SMAP2: variants seen among roughly 807,000 people sequenced by gnomAD.
SMAP2 encodes the protein stromal membrane-associated protein 2.
In SMAP2, 25 loss-of-function variants were observed where a neutral mutation model predicts 56.4. The ratio of observed to expected loss-of-function variants is 0.44; its 90% confidence interval spans 0.32 to 0.62. The LOEUF is 0.62. Among genes scored for constraint, SMAP2 ranks in the 20% least tolerant of loss-of-function variants. The pLI, the probability that SMAP2 is intolerant of heterozygous loss-of-function variation, is 0.04. For missense variants in SMAP2, 388 were observed against 545.6 expected (o/e 0.71, Z 2.88); for synonymous variants, 157 against 181.7 (o/e 0.86, Z 1.09).
At chr1:40,354,476 C>G (rs929165176) in intron 1 of SMAP2, among the ~76,000 whole-genome samples, 1 of 150,222 alleles carries the variant, frequency 6.7e-6, no homozygotes, top group African/African-American at 2.5e-5. Flanking sequence ...GTAGCTGGGA[C>G]TACAGGCGCC....
chr1:40,420,977 A>G (rs1377815055), intron 9 of SMAP2, among the ~76,000 whole-genome samples: 1 of 152,096 alleles, frequency 6.6e-6, no homozygotes. Flanking sequence ...TGGTTCTGTT[A>G]AAGTGTTCAT....
intron 1 of SMAP2, among the ~76,000 whole-genome samples, chr1:40,390,426 T>A (rs1644704911): frequency 6.6e-6 from 1 of 152,206 alleles, no homozygotes; most frequent in Non-Finnish European, 1.5e-5. Flanking sequence ...AGGTTTTATG[T>A]AGAGCCTCTG....
chr1:40,352,727 T>A (rs992651547), intron 1 of SMAP2, among the ~76,000 whole-genome samples: 4 of 151,916 alleles, frequency 2.6e-5, no homozygotes, highest in Admixed American at 2.0e-4. Context: ...AATGCCTCGC[T>A]ATGTTGCCCA....
intron 1 of SMAP2, among the ~76,000 whole-genome samples, chr1:40,351,262 T>C (rs1427827674): frequency 6.6e-6 from 1 of 152,150 alleles, no homozygotes; most frequent in Non-Finnish European, 1.5e-5. Context: ...CTCTGTGGCC[T>C]GACAAGGAGG....
intron 2 of SMAP2, chr1:40,365,250 AG>A (rs1644477172): frequency 6.5e-6 from 1 of 152,880 alleles, no homozygotes; most frequent in South Asian, 2.1e-4. Context: ...GGATCATTTT[AG>A]GCTATGAATT....
At chr1:40,357,951 A>G (rs1015459843) in intron 1 of SMAP2, among the ~76,000 whole-genome samples, 1 of 149,604 alleles carries the variant, frequency 6.7e-6, no homozygotes, top group Non-Finnish European at 1.5e-5. Context: ...TGTTTTTCCT[A>G]TTTCTTTGAG....
At chr1:40,381,626 A>G (rs1415211296) in intron 1 of SMAP2, among the ~76,000 whole-genome samples, 3 of 152,102 alleles carry the variant, frequency 2.0e-5, no homozygotes, top group Middle Eastern at 3.2e-3. Flanking sequence ...TTTGACAGGT[A>G]GTCAGGATAC....
At chr1:40,389,623 G>A (rs992066510) in intron 1 of SMAP2, among the ~76,000 whole-genome samples, 10 of 152,210 alleles carry the variant, frequency 6.6e-5, no homozygotes, top group African/African-American at 2.4e-4. Context: ...TGCTGCTTTG[G>A]AAGCTGGAGC....
chr1:40,380,622 C>T (rs1005019118), intron 1 of SMAP2, among the ~76,000 whole-genome samples: 47 of 151,712 alleles, frequency 3.1e-4, no homozygotes, highest in Non-Finnish European at 4.0e-4. Context: ...CTCCACTTCC[C>T]GGGTTCAAGC....
In SMAP2 at chr1:40,408,723, G is replaced by A; in HGVS notation, c.308G>A (p.Arg103Gln). 4 of 1,613,766 alleles carry A rather than the reference G, an allele frequency of 2.5e-6. No homozygotes were observed. Among genetic ancestry groups the A allele is most frequent in the South Asian group, 1.1e-5 (1 of 91,060 alleles). ...GCCTATCTTCCTGAGACCTTTCGGC[G>A]ACCTCAGATAGACCCGTATCTTTTC... is the stretch of plus-strand genomic sequence containing the variant. The part of the protein sequence containing the change: ...YEAYLPETFR[R>Q]PQIDPAVEGF... The change falls in exon 3 of 10, where the codon CGA becomes CAA. Residue 103 changes from arginine (R) to glutamine (Q), a missense_variant. Physicochemically the swap from Arg to Gln is conservative, Grantham distance 43. Coordinates refer to ENST00000372718, the MANE Select transcript of SMAP2 (RefSeq NM_022733.3). The surrounding 1 kb of genome is among the most constrained non-coding windows in gnomAD (Gnocchi z 4.3).
chr1:40,384,330 G>C (rs1644632671), intron 1 of SMAP2, among the ~76,000 whole-genome samples: 1 of 152,186 alleles, frequency 6.6e-6, no homozygotes. Context: ...AGTTTGCACT[G>C]GGTGAGGGAG....
intron 9 of SMAP2, 116 bp downstream of exon 9, chr1:40,417,212 G>T: frequency 1.5e-5 from 9 of 594,102 alleles, no homozygotes; most frequent in Non-Finnish European, 1.1e-5. Context: ...TAATGTAAGA[G>T]ACATTGTTAG....
At chr1:40,409,872 G>A (rs747524077) in intron 4 of SMAP2, 37 bp downstream of exon 4, 3 of 1,302,380 alleles carry the variant, frequency 2.3e-6, no homozygotes, top group Non-Finnish European at 3.3e-6. Context: ...TCCACAATAA[G>A]TAATGTGCTT....
intron 9 of SMAP2, 112 bp downstream of exon 9, chr1:40,417,208 A>T (rs1557469881): frequency 1.4e-6 from 1 of 731,566 alleles, no homozygotes; most frequent in Non-Finnish European, 2.2e-6. Flanking sequence ...GAGATAATGT[A>T]AGAGACATTG....
At chr1:40,409,883 A>AT in intron 4 of SMAP2, 48 bp downstream of exon 4, 1 of 1,232,340 alleles carries the variant, frequency 8.1e-7, no homozygotes, top group Non-Finnish European at 1.2e-6. Flanking sequence ...TAATGTGCTT[A>AT]TTAAATCAGG....
rs1211781718 is a variant in SMAP2, at chr1:40,422,138, C to T, written c.*37C>T. ...CTGTATGGCTGCCATTCTCTTCAGC[C>T]CTCGCTCTCCCCTTTCCACAGCCTC... On this transcript the variant is annotated 3_prime_UTR_variant, in exon 10 of 10. Coordinates refer to ENST00000372718, the MANE Select transcript of SMAP2 (RefSeq NM_022733.3). The T allele has an allele frequency of 6.2e-7, 1 of 1,610,620 alleles. No individual in the cohort carries two copies.
At chr1:40,421,839 G>A (rs1645046318) in intron 9 of SMAP2, 137 bp from the exon 10 acceptor site, 1 of 955,418 alleles carries the variant, frequency 1.0e-6, no homozygotes, top group Non-Finnish European at 1.6e-6. Flanking sequence ...TAAGGTCCAG[G>A]GTTTACTGTC....
intron 1 of SMAP2, among the ~76,000 whole-genome samples, chr1:40,379,311 G>A (rs1019795987): frequency 6.6e-6 from 1 of 152,030 alleles, no homozygotes; most frequent in Non-Finnish European, 1.5e-5. Context: ...AAGAGATAAT[G>A]TATGCATAGA....
At chr1:40,346,023 C>G (rs1041627340) in intron 1 of SMAP2, among the ~76,000 whole-genome samples, 1 of 136,216 alleles carries the variant, frequency 7.3e-6, no homozygotes, top group African/African-American at 2.7e-5. Context: ...TGTTGAGACC[C>G]AGGCTGGTCT....
Sources: gnomAD v4.1 joint callset for allele counts (sites outside exome capture counted in the v4.1 genomes callset) on GRCh38, gnomAD v4.1.1 for gene constraint, Gnocchi (gnomAD v3.1) non-coding constraint, MANE v1.5 for transcripts, NCBI Gene and HGNC (gene_info 2026-07-23, HGNC 2026-07-21) for gene names.